YTHDF3: variants seen among roughly 807,000 people sequenced by gnomAD.
YTHDF3 encodes the protein YTH N6-methyladenosine RNA binding protein F3.
Under a neutral mutation model 52.5 loss-of-function variants are expected in YTHDF3, and 9 were observed. That is an observed-to-expected ratio of 0.17 (90% CI 0.10 to 0.30). YTHDF3 has a LOEUF of 0.30. YTHDF3 is among the 10% of genes least tolerant of loss of function. The pLI, the probability that YTHDF3 is intolerant of heterozygous loss-of-function variation, is 1.00. For missense variants in YTHDF3, 534 were observed against 715.0 expected, an observed-to-expected ratio of 0.75 and a Z score of 2.89; for synonymous variants, 274 against 243.3, an observed-to-expected ratio of 1.13 and a Z score of -1.18.
intron 4 of YTHDF3, among the ~76,000 whole-genome samples, chr8:63,196,540 C>T (rs1358335129): frequency 2.0e-5 from 3 of 147,740 alleles, no homozygotes; most frequent in Admixed American, 6.8e-5. Context: ...CCATCCTGGG[C>T]GACAGAGCAA....
chr8:63,204,640 G>C (rs1585787996), intron 4 of YTHDF3, among the ~76,000 whole-genome samples: 1 of 152,176 alleles, frequency 6.6e-6, no homozygotes, highest in Non-Finnish European at 1.5e-5. Context: ...GGGCTTACAG[G>C]CATGAGCCAC....
At chr8:63,182,199 C>G (rs1011586019) in intron 3 of YTHDF3, among the ~76,000 whole-genome samples, 15 of 149,260 alleles carry the variant, frequency 1.0e-4, no homozygotes, top group Non-Finnish European at 1.9e-4. Flanking sequence ...TCCCAAGTAG[C>G]TGAGTCTACA....
chr8:63,177,819 A>G (rs1035844058), intron 3 of YTHDF3, among the ~76,000 whole-genome samples: 10 of 149,948 alleles, frequency 6.7e-5, no homozygotes, highest in African/African-American at 2.0e-4. Flanking sequence ...GTGCAGTGGC[A>G]TAATCTTGGC....
chr8:63,206,103 C>A (rs1013977377), intron 4 of YTHDF3, among the ~76,000 whole-genome samples: 3 of 151,896 alleles, frequency 2.0e-5, no homozygotes, highest in African/African-American at 7.3e-5. Context: ...GACGGAGTTT[C>A]GCTCTTGTTG....
At chr8:63,177,332 A>G (rs1214958887) in intron 3 of YTHDF3, among the ~76,000 whole-genome samples, 1 of 152,178 alleles carries the variant, frequency 6.6e-6, no homozygotes, top group Non-Finnish European at 1.5e-5. Flanking sequence ...CTTCCTATCT[A>G]CTGAGCAACA....
intron 3 of YTHDF3, among the ~76,000 whole-genome samples, chr8:63,175,990 A>G (rs974846369): frequency 1.3e-5 from 2 of 152,220 alleles, no homozygotes; most frequent in African/African-American, 2.4e-5. Context: ...AGACATGGAC[A>G]GTTTTATCAA....
intron 4 of YTHDF3, among the ~76,000 whole-genome samples, chr8:63,199,657 G>C (rs1445036805): frequency 6.6e-6 from 1 of 152,176 alleles, no homozygotes; most frequent in African/African-American, 2.4e-5. Context: ...TGTGTCCAAG[G>C]AAAGAATATT....
chr8:63,175,346 G>A lies in YTHDF3; in HGVS notation c.65G>A (p.Gly22Asp). 1 of 1,609,096 alleles carries A rather than the reference G, an allele frequency of 6.2e-7. No individual in the cohort carries two copies. The highest frequency in any genetic ancestry group is 8.5e-7 in the Non-Finnish European group (1 of 1,177,150). The change falls in exon 3 of 5, where the codon GGT (glycine) becomes GAT (aspartate). Residue 22 changes from glycine to aspartate, a missense_variant. Coordinates refer to ENST00000539294, the MANE Select transcript of YTHDF3 (RefSeq NM_152758.6). ...GQGNKVSVQN[G>D]SIHQKDAVND... ...ATTTTTTTAGTTTCAGTACAAAACG[G>A]TTCGATTCATCAAAAAGATGCTGTA...
intron 3 of YTHDF3, among the ~76,000 whole-genome samples, chr8:63,181,356 G>A (rs1396259379): frequency 6.6e-6 from 1 of 152,182 alleles, no homozygotes; most frequent in African/African-American, 2.4e-5. Flanking sequence ...GTAATGTTAA[G>A]TAATTACTAT....
chr8:63,179,003 A>G (rs1204671161), intron 3 of YTHDF3, among the ~76,000 whole-genome samples: 1 of 152,084 alleles, frequency 6.6e-6, no homozygotes, highest in Non-Finnish European at 1.5e-5. Context: ...AATTATAAAT[A>G]AAAAATATTT....
chr8:63,200,516 G>C (rs1005840955), intron 4 of YTHDF3, among the ~76,000 whole-genome samples: 2 of 151,530 alleles, frequency 1.3e-5, no homozygotes, highest in African/African-American at 4.9e-5. Context: ...ATTGGGTCCA[G>C]GCCATACTCA....
intron 3 of YTHDF3, among the ~76,000 whole-genome samples, chr8:63,181,241 C>T (rs1808113566): frequency 6.6e-6 from 1 of 152,130 alleles, no homozygotes; most frequent in African/African-American, 2.4e-5. Context: ...CATCACTGCC[C>T]TTAGTTAAGG....
chr8:63,184,110 G>T (rs1014803863), intron 3 of YTHDF3, among the ~76,000 whole-genome samples: 6 of 152,126 alleles, frequency 3.9e-5, no homozygotes, highest in Non-Finnish European at 8.8e-5. Flanking sequence ...ATCTGTGAAT[G>T]GTTGAATCCA....
At chr8:63,170,975 CA>C (rs1294867972) in intron 2 of YTHDF3, among the ~76,000 whole-genome samples, 2 of 152,174 alleles carry the variant, frequency 1.3e-5, no homozygotes, top group Non-Finnish European at 2.9e-5. Flanking sequence ...CTATAAACTG[CA>C]TAATACATCC....
chr8:63,203,507 G>T (rs1809780785), intron 4 of YTHDF3, among the ~76,000 whole-genome samples: 1 of 152,100 alleles, frequency 6.6e-6, no homozygotes, highest in Non-Finnish European at 1.5e-5. Context: ...TTACAGAAAT[G>T]TTTCAGAGAT....
chr8:63,170,185 TTAAA>T (rs1255824078), intron 2 of YTHDF3, among the ~76,000 whole-genome samples: 2 of 152,226 alleles, frequency 1.3e-5, no homozygotes, highest in African/African-American at 2.4e-5. Flanking sequence ...ATAGTGCCAA[TTAAA>T]TAACATCAGA....
chr8:63,198,193 T>C (rs1383061885), intron 4 of YTHDF3, among the ~76,000 whole-genome samples: 1 of 152,152 alleles, frequency 6.6e-6, no homozygotes, highest in Non-Finnish European at 1.5e-5. Flanking sequence ...TGTTACATAG[T>C]TGGCCATTTC....
intron 2 of YTHDF3, among the ~76,000 whole-genome samples, chr8:63,173,966 A>G (rs575660141): frequency 2.0e-5 from 3 of 152,234 alleles, no homozygotes; most frequent in Admixed American, 2.0e-4. Context: ...CAGTAACATC[A>G]TATCTTTGAT....
intron 4 of YTHDF3, among the ~76,000 whole-genome samples, chr8:63,203,120 T>C (rs1809750991): frequency 2.0e-5 from 3 of 151,900 alleles, no homozygotes; most frequent in Admixed American, 2.0e-4. Context: ...CAGACGCCTG[T>C]GATCCCAGCT....
Sources: gnomAD v4.1 joint callset for allele counts (sites outside exome capture counted in the v4.1 genomes callset) on GRCh38, gnomAD v4.1.1 for gene constraint, MANE v1.5 for transcripts, NCBI Gene and HGNC (gene_info 2026-07-23, HGNC 2026-07-21) for gene names.